The following GRIN2A variants were observed in gnomAD, a reference collection of about 807,000 sequenced individuals.
GRIN2A encodes glutamate ionotropic receptor NMDA type subunit 2A, also known as glutamate receptor ionotropic, NMDA 2A.
Under a neutral mutation model 113.4 loss-of-function variants are expected in GRIN2A, and 22 were observed. The ratio of observed to expected loss-of-function variants is 0.19; its 90% CI spans 0.14 to 0.28. The LOEUF (loss-of-function observed/expected upper bound fraction) is 0.28, where lower values mean the gene tolerates loss of function less well. Ranked by LOEUF, GRIN2A falls within the 10% of genes least tolerant of loss-of-function variation. The pLI is 1.00. For missense variants in GRIN2A, 1,502 were observed against 1,887.0 expected (o/e 0.80, Z 3.78); for synonymous variants, 827 against 738.4 (o/e 1.12, Z -1.94).
intron 2 of GRIN2A, among the ~76,000 whole-genome samples, chr16:10,107,215 C>T (rs2048517022): frequency 6.6e-6 from 1 of 152,152 alleles, no homozygotes; most frequent in African/African-American, 2.4e-5. Flanking sequence ...AGCGGAAGAT[C>T]TCAGCACTAG....
intron 10 of GRIN2A, among the ~76,000 whole-genome samples, chr16:9,807,972 TCAC>T (rs750839970): frequency 1.2e-4 from 18 of 152,342 alleles, no homozygotes; most frequent in Non-Finnish European, 2.1e-4. Context: ...TGTATTTTCT[TCAC>T]CACAACTCAT....
At chr16:9,943,934 T>C (rs889674278) in intron 2 of GRIN2A, among the ~76,000 whole-genome samples, 1 of 152,224 alleles carries the variant, frequency 6.6e-6, no homozygotes, top group African/African-American at 2.4e-5. Flanking sequence ...GCAGTATGGT[T>C]GAGAAGTAGG....
At chr16:10,010,652 A>G (rs925079706) in intron 2 of GRIN2A, among the ~76,000 whole-genome samples, 31 of 152,174 alleles carry the variant, frequency 2.0e-4, no homozygotes, top group African/African-American at 6.0e-4. Flanking sequence ...TGTGAATACT[A>G]TGGATTTGCA....
At chr16:9,867,572 A>G (rs2043181605) in intron 4 of GRIN2A, among the ~76,000 whole-genome samples, 1 of 152,140 alleles carries the variant, frequency 6.6e-6, no homozygotes, top group Non-Finnish European at 1.5e-5. Flanking sequence ...TTGCCTCTCA[A>G]ACTGACCTAA....
chr16:10,158,438 A>T (rs1596563109), intron 2 of GRIN2A, among the ~76,000 whole-genome samples: 1 of 152,360 alleles, frequency 6.6e-6, no homozygotes, highest in Non-Finnish European at 1.5e-5. Context: ...AAAAGAATTG[A>T]AAACAGGTGT....
At chr16:9,852,294 A>C (rs1349919126) in intron 4 of GRIN2A, among the ~76,000 whole-genome samples, 3 of 152,178 alleles carry the variant, frequency 2.0e-5, no homozygotes, top group Non-Finnish European at 4.4e-5. Context: ...ATTGAGCTAC[A>C]GTAACCACGT....
At chr16:9,919,145 C>T (rs1318757305) in intron 3 of GRIN2A, among the ~76,000 whole-genome samples, 4 of 152,100 alleles carry the variant, frequency 2.6e-5, no homozygotes, top group African/African-American at 9.7e-5. Flanking sequence ...TGCACTCCAG[C>T]CTGAGTGACA....
chr16:9,849,315 T>C (rs968414782), intron 5 of GRIN2A, among the ~76,000 whole-genome samples: 21 of 150,236 alleles, frequency 1.4e-4, no homozygotes, highest in African/African-American at 5.1e-4. Flanking sequence ...AAGATATTTT[T>C]TGAATATGTA....
chr16:10,063,933 AC>A (rs778236927), intron 2 of GRIN2A, among the ~76,000 whole-genome samples: 4 of 152,148 alleles, frequency 2.6e-5, no homozygotes, highest in Non-Finnish European at 4.4e-5. Flanking sequence ...CCCCACAGTC[AC>A]CGTCTCCTGG....
chr16:10,163,213 T>G (rs1033093941), intron 2 of GRIN2A, among the ~76,000 whole-genome samples: 2 of 152,162 alleles, frequency 1.3e-5, no homozygotes, highest in African/African-American at 4.8e-5. Flanking sequence ...CTTCAGCTCC[T>G]GTGCTTTTCA....
rs74008901 is a variant in GRIN2A at position 9,933,805 on chromosome 16, A to G, written c.1007+4154T>C. Among the ~76,000 whole-genome samples, 1,215 of 152,370 alleles carry G rather than the reference A, an allele frequency of 8.0e-3. 16 individuals are homozygous for G. The highest frequency in any genetic ancestry group is 0.028 in the African/African-American group (1,160 of 41,586). On this transcript the variant is annotated intron_variant, in intron 3 of 12. Transcript: ENST00000330684. ...AAAGATGGAACACTTATACAACAGA[A>G]TATCATCAATAAAATAAATGCAATT...
chr16:9,784,883 A>G (rs1332378557), intron 11 of GRIN2A, among the ~76,000 whole-genome samples: 2 of 152,220 alleles, frequency 1.3e-5, no homozygotes, highest in East Asian at 1.9e-4. Context: ...AATCAAAACC[A>G]CAATGAGATA....
chr16:10,157,871 T>C (rs946644554), intron 2 of GRIN2A, among the ~76,000 whole-genome samples: 2 of 152,224 alleles, frequency 1.3e-5, no homozygotes, highest in Non-Finnish European at 2.9e-5. Context: ...TTTGGTTTTT[T>C]TACTAGTGGC....
intron 2 of GRIN2A, among the ~76,000 whole-genome samples, chr16:10,086,776 C>T (rs754565007): frequency 1.3e-5 from 2 of 152,252 alleles, no homozygotes; most frequent in East Asian, 1.9e-4. Flanking sequence ...GAAGAGCAAG[C>T]CGCAGTGCTA....
intron 4 of GRIN2A, among the ~76,000 whole-genome samples, chr16:9,871,890 T>A (rs538209492): frequency 6.6e-6 from 1 of 152,146 alleles, no homozygotes; most frequent in South Asian, 2.1e-4. Flanking sequence ...TAGAATTTGA[T>A]TGAAGAAAGT....
At chr16:9,895,770 C>T (rs2043793205) in intron 3 of GRIN2A, among the ~76,000 whole-genome samples, 1 of 152,058 alleles carries the variant, frequency 6.6e-6, no homozygotes, top group South Asian at 2.1e-4. Flanking sequence ...TTAGGGTGGC[C>T]AACTCACTGA....
At chr16:10,009,859 C>A (rs2046473176) in intron 2 of GRIN2A, among the ~76,000 whole-genome samples, 1 of 152,132 alleles carries the variant, frequency 6.6e-6, no homozygotes, top group African/African-American at 2.4e-5. Flanking sequence ...TGACCGGAGA[C>A]AAACCAGACA....
rs2044885963 is a variant in GRIN2A at position 9,941,809 on chromosome 16, G to T, written c.415-3258C>A. ...AGTCACGTTGCTCCTCACTTTCTAG[G>T]TGCTATCTCATTTAATGCCACCCCC... On this transcript the variant is annotated intron_variant, in intron 2 of 12. Coordinates refer to ENST00000330684, the MANE Select transcript of GRIN2A (RefSeq NM_001134407.3). Among the ~76,000 whole-genome samples, 3 of 152,208 alleles carry T rather than the reference G, an allele frequency of 2.0e-5. No homozygotes were observed. In the East Asian group the frequency reaches 5.8e-4, roughly 29 times the overall value.
intron 2 of GRIN2A, among the ~76,000 whole-genome samples, chr16:10,073,762 A>T (rs898290339): frequency 2.0e-5 from 3 of 151,966 alleles, no homozygotes; most frequent in Non-Finnish European, 4.4e-5. Flanking sequence ...AAAAAAAAAA[A>T]AAATTAGCCG....
Sources: allele counts gnomAD v4.1 joint callset (sites outside exome capture counted in the v4.1 genomes callset), GRCh38; gene constraint gnomAD v4.1.1; transcripts MANE v1.5; gene names NCBI Gene and HGNC (gene_info 2026-07-23, HGNC 2026-07-21).